Variants in SMIM8 observed in about 807,000 individuals in gnomAD.
The protein encoded by SMIM8 is UPF0708 protein C6orf162.
In SMIM8, 8 loss-of-function variants were observed where a neutral mutation model predicts 8.1. The ratio of observed to expected loss-of-function variants is 0.99; its 90% CI spans 0.58 to 1.78. The LOEUF (loss-of-function observed/expected upper bound fraction) is 1.78, where lower values mean the gene tolerates loss of function less well. SMIM8 is among the 40% of genes most tolerant of loss of function. The pLI, the probability that SMIM8 is intolerant of heterozygous loss-of-function variation, is 0.00. For synonymous variants in SMIM8, 45 were observed against 39.7 expected (o/e 1.13, Z -0.50); for missense variants, 126 against 119.8 (o/e 1.05, Z -0.24).
Position 87,337,040 on chromosome 6 carries a change from A to C in SMIM8, c.9A>C (p.Ser3=). The C allele has an allele frequency of 6.2e-7, 1 of 1,608,100 alleles. No homozygotes were observed. Among genetic ancestry groups the C allele is most frequent in the Non-Finnish European group, 8.5e-7 (1 of 1,177,484 alleles). MS[S]APEPPTFKKE... Reference sequence around the variant, plus strand: ...AATCATCATTGATCAAGATGTCTTCAGCACCTGAGCCTCCAACATTCAAAA... The same window carrying C: ...AATCATCATTGATCAAGATGTCTTCCGCACCTGAGCCTCCAACATTCAAAA... Residue 3 remains serine, a synonymous_variant, in exon 3 of 4, where the codon TCA becomes TCC. Transcript: ENST00000392863.
At chr6:87,325,713 T>C (rs1255498836) in intron 1 of SMIM8, among the ~76,000 whole-genome samples, 3 of 152,146 alleles carry the variant, frequency 2.0e-5, no homozygotes, top group African/African-American at 7.2e-5. Flanking sequence ...TCAAGGATAT[T>C]GGTCTAAAAT....
chr6:87,335,415 G>C (rs1038004885), intron 2 of SMIM8, among the ~76,000 whole-genome samples: 2 of 152,180 alleles, frequency 1.3e-5, no homozygotes, highest in Non-Finnish European at 2.9e-5. Context: ...TAGCGATGAA[G>C]AAGGCAACAA....
At chr6:87,328,830 G>T (rs1402452785) in intron 1 of SMIM8, among the ~76,000 whole-genome samples, 1 of 152,220 alleles carries the variant, frequency 6.6e-6, no homozygotes, top group Non-Finnish European at 1.5e-5. Flanking sequence ...CCTGGGCAAT[G>T]GCGGGCGCCC....
At chr6:87,330,109 TTAAAC>T (rs1438795030) in intron 1 of SMIM8, among the ~76,000 whole-genome samples, 6 of 152,202 alleles carry the variant, frequency 3.9e-5, no homozygotes, top group African/African-American at 1.4e-4. Context: ...CCAAACTTGT[TTAAAC>T]TAATTTAAAT....
intron 1 of SMIM8, among the ~76,000 whole-genome samples, chr6:87,328,333 T>A: frequency 6.6e-6 from 1 of 152,138 alleles, no homozygotes; most frequent in Non-Finnish European, 1.5e-5. Context: ...GCACTCTGCT[T>A]TTTAGAGTTT....
At chr6:87,328,901 C>G (rs1001976090) in intron 1 of SMIM8, among the ~76,000 whole-genome samples, 30 of 152,160 alleles carry the variant, frequency 2.0e-4, no homozygotes, top group African/African-American at 6.0e-4. Context: ...AGCAATCAGC[C>G]AGACTCCGTG....
chr6:87,337,544 T>C (rs189742909), intron 3 of SMIM8, among the ~76,000 whole-genome samples: 314 of 152,328 alleles, frequency 2.1e-3, no homozygotes, highest in African/African-American at 7.2e-3. Flanking sequence ...ATCTGACCAT[T>C]CTTAACATAC....
chr6:87,340,978 AT>A lies in SMIM8; in HGVS notation c.*708del. On this transcript the variant is annotated 3_prime_UTR_variant, in exon 4 of 4. Transcript: ENST00000392863. ...AAGTATGTTTTACTGAGGTATGATGATTTTGACTACAACTAAATGTTATCTA... is the reference window on the plus strand; with the variant it reads ...AAGTATGTTTTACTGAGGTATGATGATTTGACTACAACTAAATGTTATCTA... The A allele has an allele frequency of 4.1e-6, 1 of 243,102 alleles. No individual in the cohort carries two copies. The highest frequency in any genetic ancestry group is 7.7e-6 in the Non-Finnish European group (1 of 129,514). The allele number at this position is 243,102 out of a possible 1,614,324, so 15.1% of individuals were successfully genotyped here.
chr6:87,322,633 G>C lies in SMIM8; in HGVS notation c.-45+1G>C, dbSNP rs1174632046. 1 of 152,504 alleles carries C rather than the reference G, an allele frequency of 6.6e-6. No homozygotes were observed. The highest frequency in any genetic ancestry group is 2.1e-4 in the South Asian group (1 of 4,828). 9.4% of individuals were successfully genotyped at this position (152,504 alleles called of 1,614,324 possible). A position where few individuals can be genotyped will look rare whatever the true frequency, so the allele number is the denominator to read the frequency against. On this transcript the variant is annotated splice_donor_variant, in intron 1 of 3. Coordinates refer to ENST00000392863, the MANE Select transcript of SMIM8 (RefSeq NM_001042493.3). LOFTEE classifies it low-confidence loss of function (5UTR_SPLICE). ...AGGAGAGGAGGTGACCCCGCGAAAGGTAAGCGGCGGCTTCGGTGGTGTTGA... is the reference window on the plus strand; with the variant it reads ...AGGAGAGGAGGTGACCCCGCGAAAGCTAAGCGGCGGCTTCGGTGGTGTTGA...
At chr6:87,333,860 T>C (rs1476219436) in intron 2 of SMIM8, among the ~76,000 whole-genome samples, 1 of 152,174 alleles carries the variant, frequency 6.6e-6, no homozygotes, top group Non-Finnish European at 1.5e-5. Flanking sequence ...TCTTCTTGCG[T>C]CATTATAAAG....
At chr6:87,332,770 C>T (rs569366130) in intron 2 of SMIM8, among the ~76,000 whole-genome samples, 5 of 26,116 alleles carry the variant, frequency 1.9e-4, no homozygotes, top group Non-Finnish European at 2.6e-4. Context: ...TGACTTTTAC[C>T]TTTGTATATT....
intron 3 of SMIM8, among the ~76,000 whole-genome samples, chr6:87,337,501 A>C (rs1314379164): frequency 6.6e-6 from 1 of 152,176 alleles, no homozygotes; most frequent in Non-Finnish European, 1.5e-5. Context: ...GGTAAATAAG[A>C]CCTTCCATTT....
chr6:87,328,018 C>G (rs1776877176), intron 1 of SMIM8, among the ~76,000 whole-genome samples: 1 of 152,072 alleles, frequency 6.6e-6, no homozygotes. Flanking sequence ...TCTTCCATCA[C>G]TGATACCCTT....
chr6:87,326,762 T>C (rs1776832526), intron 1 of SMIM8, among the ~76,000 whole-genome samples: 1 of 119,184 alleles, frequency 8.4e-6, no homozygotes. Flanking sequence ...GGGTGGAGAG[T>C]TCTGTAGATG....
chr6:87,328,510 C>T (rs57631457), intron 1 of SMIM8, among the ~76,000 whole-genome samples: 10,497 of 151,516 alleles, frequency 0.069, 891 homozygotes, highest in African/African-American at 0.18. Context: ...AGTACCCGGC[C>T]GTGTGAGGTA....
chr6:87,328,480 G>C (rs12190506), intron 1 of SMIM8, among the ~76,000 whole-genome samples: 75,953 of 149,608 alleles, frequency 0.51, 19,694 homozygotes, highest in African/African-American at 0.57. Flanking sequence ...AGACAGGACC[G>C]TAAGCTTCAG....
intron 2 of SMIM8, among the ~76,000 whole-genome samples, chr6:87,332,413 G>T (rs1309009114): frequency 1.3e-5 from 2 of 148,530 alleles, no homozygotes; most frequent in Admixed American, 1.3e-4. Context: ...CTCCACACCT[G>T]AAGTCCAAAA....
At chr6:87,338,983 G>A (rs897272007) in intron 3 of SMIM8, among the ~76,000 whole-genome samples, 1 of 147,180 alleles carries the variant, frequency 6.8e-6, no homozygotes, top group African/African-American at 2.6e-5. Context: ...CTGAGGTAGA[G>A]GGATCTCTTG....
intron 1 of SMIM8, among the ~76,000 whole-genome samples, chr6:87,327,925 C>T: frequency 6.7e-6 from 1 of 149,840 alleles, no homozygotes; most frequent in Non-Finnish European, 1.5e-5. Flanking sequence ...TTCACATAGT[C>T]CCATATTTCT....
Sources: gnomAD v4.1 joint callset for allele counts (sites outside exome capture counted in the v4.1 genomes callset) on GRCh38, gnomAD v4.1.1 for gene constraint, MANE v1.5 for transcripts, NCBI Gene and HGNC (gene_info 2026-07-23, HGNC 2026-07-21) for gene names.